Variants in FGD4 observed in about 807,000 individuals in gnomAD.
The protein encoded by FGD4 is FYVE, RhoGEF and PH domain-containing protein 4.
A neutral mutation model predicts 102.0 loss-of-function variants in FGD4; 42 were observed. That is an observed-to-expected ratio of 0.41 (90% confidence interval 0.32 to 0.53). The LOEUF is 0.53. Among genes scored for constraint, FGD4 ranks in the 20% least tolerant of loss-of-function variants. The probability of loss-of-function intolerance (pLI) is 0.21; values close to 1 mark genes in which losing one functional copy is unlikely to be tolerated. For missense variants in FGD4, 902 were observed against 1,078.2 expected, an observed-to-expected ratio of 0.84 and a Z score of 2.29; for synonymous variants, 380 against 375.7, an observed-to-expected ratio of 1.01 and a Z score of -0.13.
At chr12:32,508,689 C>T (rs146644955) in intron 1 of FGD4, among the ~76,000 whole-genome samples, 1 of 152,322 alleles carries the variant, frequency 6.6e-6, no homozygotes, top group East Asian at 1.9e-4. Context: ...ATAATAATTA[C>T]TTTGCTTGCA....
rs186342677 is a variant in FGD4 at position 32,434,097 on chromosome 12, G to A, written c.166+34138G>A. Among the ~76,000 whole-genome samples, 14 of 151,904 alleles carry A rather than the reference G, an allele frequency of 9.2e-5. No individual in the cohort carries two copies. In the East Asian group the frequency reaches 2.5e-3, roughly 27 times the overall value. On this transcript the variant is annotated intron_variant, in intron 1 of 16. Transcript: ENST00000534526. ...TCTTGATCTCCTGACCTCGTGATCCGCCCGCCTCAGCCTCCCAAAGTGCTG... is the reference window on the plus strand; with the variant it reads ...TCTTGATCTCCTGACCTCGTGATCCACCCGCCTCAGCCTCCCAAAGTGCTG...
chr12:32,515,002 T>G (rs1444161606), intron 1 of FGD4, among the ~76,000 whole-genome samples: 1 of 152,044 alleles, frequency 6.6e-6, no homozygotes, highest in Non-Finnish European at 1.5e-5. Context: ...AAGGCTTGAG[T>G]CACCACTCCC....
At chr12:32,613,341 C>T (rs974539974) in intron 10 of FGD4, among the ~76,000 whole-genome samples, 3 of 152,152 alleles carry the variant, frequency 2.0e-5, no homozygotes, top group African/African-American at 7.2e-5. Flanking sequence ...ATGGAAAATG[C>T]ATGTTATGAA....
chr12:32,561,210 C>T (rs113761770), intron 1 of FGD4, among the ~76,000 whole-genome samples: 6,681 of 151,076 alleles, frequency 0.044, 406 homozygotes, highest in African/African-American at 0.14. Flanking sequence ...TCTCACCCTC[C>T]TGAGTAGCTA....
chr12:32,449,010 C>T (rs992944187), intron 1 of FGD4, among the ~76,000 whole-genome samples: 1 of 152,122 alleles, frequency 6.6e-6, no homozygotes, highest in Non-Finnish European at 1.5e-5. Context: ...GAGAGATAGA[C>T]AGTATTAACA....
rs1041703653 is a variant in FGD4 at position 32,459,190 on chromosome 12, T to C, written c.166+59231T>C. Among the ~76,000 whole-genome samples, 7 of 49,472 alleles carry C rather than the reference T, an allele frequency of 1.4e-4. No individual in the cohort carries two copies. The East Asian group carries it at 4.5e-3, about 32-fold the overall frequency. The allele number at this position is 49,472 out of a possible 152,430, so 32.5% of individuals were successfully genotyped here. Reference sequence around the variant, plus strand: ...GTTTATTTGGGATGTTTGACACTGCTTTTTTTTTTTTTTTTTTTTGAGACA... The same window carrying C: ...GTTTATTTGGGATGTTTGACACTGCCTTTTTTTTTTTTTTTTTTTGAGACA... On this transcript the variant is annotated intron_variant, in intron 1 of 16. Transcript: ENST00000534526.
intron 11 of FGD4, 75 bp from the exon 12 acceptor site, chr12:32,624,347 G>T: frequency 8.3e-7 from 1 of 1,208,838 alleles, no homozygotes; most frequent in Non-Finnish European, 1.2e-6. Flanking sequence ...TGGAACAACA[G>T]GAAAGCATAG....
At chr12:32,562,889 C>T (rs1409354888) in intron 1 of FGD4, among the ~76,000 whole-genome samples, 2 of 151,136 alleles carry the variant, frequency 1.3e-5, no homozygotes, top group African/African-American at 2.4e-5. Context: ...TCCACAAAAC[C>T]GCCATTGTCA....
chr12:32,449,919 A>AT lies in FGD4; in HGVS notation c.166+49969dup, dbSNP rs144841230. ...ATGCCCAGCTAATTTATTTTTATTT[A>AT]TTTTTTTTTATTTTATTTATTTTAT... On this transcript the variant is annotated intron_variant, in intron 1 of 16. Transcript: ENST00000534526. Among the ~76,000 whole-genome samples, 109 of 150,232 alleles carry AT rather than the reference A, an allele frequency of 7.3e-4. 1 individual carries two copies. Among genetic ancestry groups the AT allele is most frequent in the East Asian group, 4.3e-3 (22 of 5,112 alleles).
chr12:32,640,823 G>A lies in FGD4; in HGVS notation c.*290G>A, dbSNP rs79732949. ...TGGTGTATCAATTGATTCTGTCACCGTCAGGTTAGAATGAGCACTTCCATT... is the reference window on the plus strand; with the variant it reads ...TGGTGTATCAATTGATTCTGTCACCATCAGGTTAGAATGAGCACTTCCATT... On this transcript the variant is annotated 3_prime_UTR_variant, in exon 17 of 17. Transcript: ENST00000534526. The A allele has an allele frequency of 2.1e-3, 1,248 of 591,796 alleles. 10 individuals carry two copies. Among genetic ancestry groups the A allele is most frequent in the African/African-American group, 0.021 (1,128 of 53,732 alleles). The allele number at this position is 591,796 out of a possible 1,614,324, so 36.7% of individuals were successfully genotyped here.
chr12:32,549,305 A>C (rs1943472468), intron 1 of FGD4, among the ~76,000 whole-genome samples: 1 of 152,150 alleles, frequency 6.6e-6, no homozygotes. Context: ...ACTTGGGGAA[A>C]AGTTGTCCCA....
Position 32,582,172 on chromosome 12 carries a change from GTGAGGAGGAGAAAGC to G in FGD4, c.719_733del (p.Glu240_Ala244del), listed in dbSNP as rs1314855895. On this transcript the variant is annotated inframe_deletion, in exon 4 of 17. Transcript: ENST00000534526. Reference sequence around the variant, plus strand: ...ATGGCAGCACAAAACCAGATGGAATGTGAGGAGGAGAAAGCTGCCACTCTTAGCTCAGATACTTCT... The same window carrying G: ...ATGGCAGCACAAAACCAGATGGAATGTGCCACTCTTAGCTCAGATACTTCT... 2.4e-5 allele frequency: 39 copies of G among 1,614,120 alleles called. No individual in the cohort carries two copies. The highest frequency in any genetic ancestry group is 3.2e-5 in the Non-Finnish European group (38 of 1,180,042).
intron 1 of FGD4, among the ~76,000 whole-genome samples, chr12:32,519,884 C>G (rs989447918): frequency 6.6e-6 from 1 of 152,036 alleles, no homozygotes; most frequent in Non-Finnish European, 1.5e-5. Context: ...GAGGCAGAGG[C>G]TACAGTGAGC....
intron 5 of FGD4, among the ~76,000 whole-genome samples, chr12:32,599,551 TTTTTTTTTTTTTTG>T (rs1365367464): frequency 1.7e-5 from 1 of 60,210 alleles, no homozygotes; most frequent in Admixed American, 1.8e-4. Context: ...TTTTTTTTTT[TTTTTTTTTTTTTTG>T]GAGATGGAGT....
At chr12:32,417,310 G>C (rs887316502) in intron 1 of FGD4, among the ~76,000 whole-genome samples, 2 of 152,046 alleles carry the variant, frequency 1.3e-5, no homozygotes, top group Non-Finnish European at 2.9e-5. Flanking sequence ...TCTCCTTCAA[G>C]CTTAAAGGAT....
chr12:32,645,120 TAATA>T lies in FGD4; in HGVS notation c.*4596_*4599del, dbSNP rs1951342457. ...AATCAAGAAATCTCATATCATACTTTAATAAATAAATACCAAATACATAGTGACA... is the reference window on the plus strand; with the variant it reads ...AATCAAGAAATCTCATATCATACTTTAATAAATACCAAATACATAGTGACA... On this transcript the variant is annotated 3_prime_UTR_variant, in exon 17 of 17. Coordinates refer to ENST00000534526, the MANE Select transcript of FGD4 (RefSeq NM_001370298.3). 2 of 152,114 alleles carry T rather than the reference TAATA, an allele frequency of 1.3e-5. No individual in the cohort carries two copies. Among genetic ancestry groups the T allele is most frequent in the South Asian group, 4.1e-4 (2 of 4,832 alleles). The allele number at this position is 152,114 out of a possible 1,614,324, so 9.4% of individuals were successfully genotyped here. A position where few individuals can be genotyped will look rare whatever the true frequency, so the allele number is the denominator to read the frequency against.
At position 32,507,771 on chromosome 12, in the gene FGD4, T is replaced by G. The variant is rs548238482; in HGVS notation, c.167-56366T>G. Among the ~76,000 whole-genome samples, 3 of 152,292 alleles carry G rather than the reference T, an allele frequency of 2.0e-5. No individual in the cohort carries two copies. In the East Asian group the frequency reaches 5.8e-4, roughly 29 times the overall value. On this transcript the variant is annotated intron_variant, in intron 1 of 16. Coordinates refer to ENST00000534526, the MANE Select transcript of FGD4 (RefSeq NM_001370298.3). ...ACTTCCTTAAACCTCATCTTCCCCA[T>G]TTGTTAGAACTTGTGGGGTTATCCT...
At chr12:32,606,764 A>G (rs7300661) in intron 7 of FGD4, among the ~76,000 whole-genome samples, 63,419 of 152,084 alleles carry the variant, frequency 0.42, 14,872 homozygotes, top group African/African-American at 0.64. Context: ...TTTGTTTAAC[A>G]GGAACAAGAA....
At chr12:32,585,222 T>TTATTTATA (rs960851781) in intron 4 of FGD4, among the ~76,000 whole-genome samples, 53 of 116,132 alleles carry the variant, frequency 4.6e-4, no homozygotes, top group African/African-American at 1.6e-3. Flanking sequence ...CTCAAAAATT[T>TTATTTATA]TATATATATA....
Sources: allele counts gnomAD v4.1 joint callset (sites outside exome capture counted in the v4.1 genomes callset), GRCh38; gene constraint gnomAD v4.1.1; transcripts MANE v1.5; gene names NCBI Gene and HGNC (gene_info 2026-07-23, HGNC 2026-07-21).